SLC2A13: variants seen among roughly 807,000 people sequenced by gnomAD.
SLC2A13 encodes proton myo-inositol cotransporter.
A neutral mutation model predicts 64.4 loss-of-function variants in SLC2A13; 32 were observed. The ratio of observed to expected loss-of-function variants is 0.50; its 90% CI spans 0.37 to 0.67. The LOEUF is 0.67. Among genes scored for constraint, SLC2A13 ranks in the 30% least tolerant of loss-of-function variants. The pLI, the probability that SLC2A13 is intolerant of heterozygous loss-of-function variation, is 0.00. For synonymous variants in SLC2A13, 338 were observed against 327.1 expected, an observed-to-expected ratio of 1.03 and a Z score of -0.36; for missense variants, 743 against 829.2, an observed-to-expected ratio of 0.90 and a Z score of 1.28.
At chr12:39,864,963 A>G in intron 5 of SLC2A13, 81 bp from the exon 6 acceptor site, 1 of 1,323,070 alleles carries the variant, frequency 7.6e-7, no homozygotes, top group Non-Finnish European at 1.0e-6. Context: ...AAACAAACCA[A>G]AAAACAAAGA....
intron 7 of SLC2A13, among the ~76,000 whole-genome samples, chr12:39,790,050 C>G (rs1183838913): frequency 2.0e-5 from 3 of 150,828 alleles, no homozygotes; most frequent in Non-Finnish European, 4.4e-5. Flanking sequence ...TTATTTAACC[C>G]AATATATCCT....
Position 39,864,885 on chromosome 12 carries a change from T to TAA in SLC2A13, c.1199-5_1199-4dup, listed in dbSNP as rs111296586. On this transcript the variant is annotated splice_polypyrimidine_tract_variant and splice_region_variant and intron_variant, in intron 5 of 9. Transcript: ENST00000280871. Reference sequence around the variant, plus strand: ...AATAATGAGTGCTACGGTGGTACCTTAAAAAAAAAAAGTTTTATATTAGAG... The same window carrying TAA: ...AATAATGAGTGCTACGGTGGTACCTTAAAAAAAAAAAAAGTTTTATATTAGAG... 180 of 1,251,904 alleles carry TAA rather than the reference T, an allele frequency of 1.4e-4. No individual in the cohort carries two copies. The highest frequency in any genetic ancestry group is 6.7e-4 in the African/African-American group (44 of 65,402). 77.5% of individuals were successfully genotyped at this position (1,251,904 alleles called of 1,614,324 possible). A position where few individuals can be genotyped will look rare whatever the true frequency, so the allele number is the denominator to read the frequency against.
chr12:40,068,354 A>G, intron 1 of SLC2A13: 1 of 376,900 alleles, frequency 2.7e-6, no homozygotes, highest in Non-Finnish European at 5.2e-6. Flanking sequence ...TGCCCAGTCC[A>G]GTATTATTAC....
chr12:39,979,824 G>A (rs1165234537), intron 3 of SLC2A13, among the ~76,000 whole-genome samples: 1 of 121,352 alleles, frequency 8.2e-6, no homozygotes, highest in African/African-American at 3.2e-5. Flanking sequence ...TACAGAGAAT[G>A]CCACAAAGAT....
In SLC2A13 at chr12:40,070,262, C is replaced by G. The variant is rs189143086; in HGVS notation, c.557-22052G>C. Among the ~76,000 whole-genome samples, 267 of 151,978 alleles carry G rather than the reference C, an allele frequency of 1.8e-3. 1 individual carries two copies. Among genetic ancestry groups the G allele is most frequent in the Non-Finnish European group, 2.1e-3 (143 of 67,982 alleles). On this transcript the variant is annotated intron_variant, in intron 1 of 9. Coordinates refer to ENST00000280871, the MANE Select transcript of SLC2A13 (RefSeq NM_052885.4). Reference sequence around the variant, plus strand: ...GTTCTGCTTGATTTGGTAGATTTCTCTATACACTGGAAAGAAACCAAAAGA... The same window carrying G: ...GTTCTGCTTGATTTGGTAGATTTCTGTATACACTGGAAAGAAACCAAAAGA...
chr12:39,971,364 A>G (rs1363089157), intron 3 of SLC2A13, among the ~76,000 whole-genome samples: 2 of 152,204 alleles, frequency 1.3e-5, no homozygotes, highest in Non-Finnish European at 2.9e-5. Flanking sequence ...GTTTTTAAAA[A>G]TATTTCCTTT....
chr12:40,095,422 G>A (rs910350619), intron 1 of SLC2A13, among the ~76,000 whole-genome samples: 6 of 152,172 alleles, frequency 3.9e-5, no homozygotes, highest in African/African-American at 1.4e-4. Context: ...ATGTCCAGCT[G>A]TAATTTTTTA....
intron 2 of SLC2A13, among the ~76,000 whole-genome samples, chr12:40,046,095 A>C (rs895262653): frequency 1.2e-4 from 18 of 152,244 alleles, no homozygotes; most frequent in Non-Finnish European, 2.5e-4. Context: ...GTGCTACGCT[A>C]AACACTTTAC....
At position 40,105,578 on chromosome 12, in the gene SLC2A13, G is replaced by A. The variant is rs1314803831; in HGVS notation, c.231C>T (p.Thr77=). The A allele has an allele frequency of 2.6e-6, 4 of 1,562,732 alleles. No individual in the cohort carries two copies. The highest frequency in any genetic ancestry group is 2.8e-5 in the African/African-American group (2 of 71,112). The part of the protein sequence containing the change: ...AARRQFQQDE[T]PAFVYVVAVF... Reference sequence around the variant, plus strand: ...CGGCCACCACGTACACGAAGGCGGGGGTCTCGTCCTGCTGGAACTGCCGCC... The same window carrying A: ...CGGCCACCACGTACACGAAGGCGGGAGTCTCGTCCTGCTGGAACTGCCGCC... Residue 77 remains threonine (T), a synonymous_variant, in exon 1 of 10, where the codon ACC becomes ACT. Coordinates refer to ENST00000280871, the MANE Select transcript of SLC2A13 (RefSeq NM_052885.4). This position sits in a 1 kb window ranked among gnomAD's most constrained non-coding sequence, Gnocchi z 4.2.
intron 2 of SLC2A13, among the ~76,000 whole-genome samples, chr12:40,041,983 C>T (rs971984271): frequency 1.3e-5 from 2 of 152,222 alleles, no homozygotes; most frequent in African/African-American, 2.4e-5. Context: ...CTACACTCTG[C>T]CTCCCATATC....
chr12:39,879,229 C>T (rs1435157860), intron 4 of SLC2A13, among the ~76,000 whole-genome samples: 2 of 152,240 alleles, frequency 1.3e-5, no homozygotes, highest in Middle Eastern at 3.2e-3. Context: ...TCACAGAGAA[C>T]CCCTACTAGG....
At chr12:40,096,663 A>C (rs10506144) in intron 1 of SLC2A13, among the ~76,000 whole-genome samples, 4,295 of 152,018 alleles carry the variant, frequency 0.028, 177 homozygotes, top group Admixed American at 0.11. Context: ...TCTTCCAAAC[A>C]GTTGGATCTA....
chr12:39,976,866 T>C (rs935405265), intron 3 of SLC2A13, among the ~76,000 whole-genome samples: 5 of 152,198 alleles, frequency 3.3e-5, no homozygotes, highest in African/African-American at 4.8e-5. Flanking sequence ...TTTCTGGCCT[T>C]ATCATTAAGA....
At chr12:40,068,365 C>A in intron 1 of SLC2A13, 1 of 354,670 alleles carries the variant, frequency 2.8e-6, no homozygotes, top group East Asian at 1.1e-4. Flanking sequence ...GTATTATTAC[C>A]ACTGTAGTGA....
intron 3 of SLC2A13, among the ~76,000 whole-genome samples, chr12:39,969,380 C>G (rs966730871): frequency 5.9e-5 from 9 of 152,166 alleles, no homozygotes; most frequent in African/African-American, 1.9e-4. Context: ...GCCACACTGT[C>G]TTCCACAATG....
intron 3 of SLC2A13, among the ~76,000 whole-genome samples, chr12:40,010,313 G>A (rs1257333154): frequency 6.6e-6 from 1 of 152,162 alleles, no homozygotes; most frequent in Non-Finnish European, 1.5e-5. Flanking sequence ...GGAAAATAAA[G>A]GTAATAGACG....
chr12:39,972,015 T>TATATATGTATATATATA (rs1491210436), intron 3 of SLC2A13, among the ~76,000 whole-genome samples: 8 of 80,940 alleles, frequency 9.9e-5, no homozygotes, highest in Non-Finnish European at 1.8e-4. Flanking sequence ...TATATATATA[T>TATATATGTATATATATA]TTTTTTTTAT....
chr12:39,898,103 G>T (rs1565530069), intron 4 of SLC2A13, among the ~76,000 whole-genome samples: 5 of 151,994 alleles, frequency 3.3e-5, no homozygotes, highest in Non-Finnish European at 1.5e-5. Flanking sequence ...TATAATTTTT[G>T]TTCTTATTTA....
chr12:39,923,687 TGC>T (rs201301544), intron 4 of SLC2A13, among the ~76,000 whole-genome samples: 109 of 60,250 alleles, frequency 1.8e-3, no homozygotes, highest in African/African-American at 5.1e-3. Flanking sequence ...TATATATATA[TGC>T]GCACGCGCAC....
Sources: allele counts gnomAD v4.1 joint callset (sites outside exome capture counted in the v4.1 genomes callset), GRCh38; gene constraint gnomAD v4.1.1; non-coding constraint Gnocchi (gnomAD v3.1); transcripts MANE v1.5; gene names NCBI Gene and HGNC (gene_info 2026-07-23, HGNC 2026-07-21).